Variants in USP37 observed in about 807,000 individuals in gnomAD.
USP37 encodes the protein ubiquitin specific peptidase 37, also known as ubiquitin carboxyl-terminal hydrolase 37.
In USP37, 27 loss-of-function variants were observed where a neutral mutation model predicts 124.0. The ratio of observed to expected loss-of-function variants is 0.22; its 90% CI spans 0.16 to 0.30. USP37 has a LOEUF of 0.30. USP37 is among the 10% of genes least tolerant of loss of function. The pLI, the probability that USP37 is intolerant of heterozygous loss-of-function variation, is 1.00. For synonymous variants in USP37, 365 were observed against 388.0 expected (o/e 0.94, Z 0.70); for missense variants, 889 against 1,140.4 (o/e 0.78, Z 3.17).
chr2:218,516,915 A>T (rs566467569), intron 10 of USP37, among the ~76,000 whole-genome samples: 1 of 152,310 alleles, frequency 6.6e-6, no homozygotes, highest in South Asian at 2.1e-4. Context: ...AACATCTCTG[A>T]TTCTAACTGA....
rs372800934 is a variant in USP37, at chr2:218,538,746, A to AT, written c.681-4041dup. ...TTTGGTAGCATATTGATTATGTCAG[A>AT]TTTTTTCCACACTAAAAAAGACAGC... On this transcript the variant is annotated intron_variant, in intron 8 of 25. Coordinates refer to ENST00000258399, the MANE Select transcript of USP37 (RefSeq NM_020935.3). 1.6e-3 allele frequency among the ~76,000 whole-genome samples: 245 copies of AT among 152,246 alleles called. 2 individuals carry two copies. Among genetic ancestry groups the AT allele is most frequent in the African/African-American group, 5.6e-3 (232 of 41,546 alleles).
At chr2:218,504,552 G>C (rs73074881) in intron 11 of USP37, among the ~76,000 whole-genome samples, 7 of 151,784 alleles carry the variant, frequency 4.6e-5, no homozygotes, top group Admixed American at 1.3e-4. Context: ...CAGTCTCCCC[G>C]GTAGCTGGGA....
At chr2:218,511,036 G>C (rs1689955354) in intron 10 of USP37, among the ~76,000 whole-genome samples, 1 of 152,052 alleles carries the variant, frequency 6.6e-6, no homozygotes, top group African/African-American at 2.4e-5. Context: ...CCAATAAGGA[G>C]ACACTTGATC....
Position 218,549,836 on chromosome 2 carries a change from G to A in USP37, c.402C>T (p.Ser134=). ...GATTGTCTGAGTAAGAAAGCTGCCT[G>A]CTGGTTTCCTTCTGTGAGGTCCTGC... The part of the protein sequence containing the change: ...LGSRTSQKET[S]RQLSYSDNQA... Residue 134 remains serine, a synonymous_variant, in exon 6 of 26, where the codon AGC becomes AGT. Coordinates refer to ENST00000258399, the MANE Select transcript of USP37 (RefSeq NM_020935.3). 1 of 1,613,002 alleles carries A rather than the reference G, an allele frequency of 6.2e-7. No homozygotes were observed. Among genetic ancestry groups the A allele is most frequent in the African/African-American group, 1.3e-5 (1 of 74,996 alleles).
intron 14 of USP37, among the ~76,000 whole-genome samples, chr2:218,490,894 G>C: frequency 6.6e-6 from 1 of 152,182 alleles, no homozygotes; most frequent in East Asian, 1.9e-4. Context: ...TTGTTTTTGA[G>C]ACAGGCTCTT....
rs1028639122 is a variant in USP37, at chr2:218,452,006, G to A, written c.*2924C>T. On this transcript the variant is annotated 3_prime_UTR_variant, in exon 26 of 26. Coordinates refer to ENST00000258399, the MANE Select transcript of USP37 (RefSeq NM_020935.3). Reference sequence around the variant, plus strand: ...CTACGAAACAGTCTATCTTCTCATAGGCTTAAATTATAGTCATGGCTATTA... The same window carrying A: ...CTACGAAACAGTCTATCTTCTCATAAGCTTAAATTATAGTCATGGCTATTA... 1 of 152,556 alleles carries A rather than the reference G, an allele frequency of 6.6e-6. No homozygotes were observed. Among genetic ancestry groups the A allele is most frequent in the Non-Finnish European group, 1.5e-5 (1 of 68,048 alleles). 9.5% of individuals were successfully genotyped at this position (152,556 alleles called of 1,614,324 possible). A position where few individuals can be genotyped will look rare whatever the true frequency, so the allele number is the denominator to read the frequency against.
At chr2:218,503,158 G>T (rs1467191256) in intron 11 of USP37, among the ~76,000 whole-genome samples, 1 of 152,102 alleles carries the variant, frequency 6.6e-6, no homozygotes, top group Non-Finnish European at 1.5e-5. Context: ...TGTAAGAAAT[G>T]TTAAAGCGAC....
At chr2:218,470,678 A>T (rs1690633897) in intron 20 of USP37, among the ~76,000 whole-genome samples, 1 of 152,210 alleles carries the variant, frequency 6.6e-6, no homozygotes, top group African/African-American at 2.4e-5. Context: ...TTTTAGGTCC[A>T]CTAACTTGCT....
chr2:218,464,617 G>A (rs1352285139), intron 21 of USP37, among the ~76,000 whole-genome samples: 3 of 152,188 alleles, frequency 2.0e-5, no homozygotes, highest in Non-Finnish European at 4.4e-5. Flanking sequence ...ATTCTAGGGA[G>A]TCTTGGTAAA....
intron 23 of USP37, among the ~76,000 whole-genome samples, chr2:218,458,163 T>A: frequency 7.6e-6 from 1 of 130,930 alleles, no homozygotes; most frequent in African/African-American, 2.9e-5. Context: ...TTCTGGAGAA[T>A]ATAAAAGGAG....
intron 19 of USP37, among the ~76,000 whole-genome samples, chr2:218,476,470 G>A (rs893053943): frequency 1.3e-5 from 2 of 152,116 alleles, no homozygotes; most frequent in African/African-American, 4.8e-5. Context: ...AGCTACTTGG[G>A]GAGCTGAGGT....
intron 1 of USP37, among the ~76,000 whole-genome samples, chr2:218,564,652 G>T (rs183963260): frequency 4.7e-4 from 71 of 152,206 alleles, no homozygotes; most frequent in Non-Finnish European, 6.9e-4. Context: ...AGGTGGGAGT[G>T]GGGGGTAGAG....
chr2:218,509,312 A>G (rs1487930503), intron 11 of USP37, among the ~76,000 whole-genome samples: 4 of 152,246 alleles, frequency 2.6e-5, no homozygotes, highest in Non-Finnish European at 5.9e-5. Flanking sequence ...CAAGTTAATT[A>G]ACTTTGCTAA....
chr2:218,529,061 T>C (rs1691150216), intron 10 of USP37, among the ~76,000 whole-genome samples: 1 of 152,158 alleles, frequency 6.6e-6, no homozygotes, highest in Non-Finnish European at 1.5e-5. Context: ...GAATATATAT[T>C]GGTCTACAGT....
chr2:218,461,955 G>A (rs1257282545), intron 22 of USP37, among the ~76,000 whole-genome samples: 5 of 152,178 alleles, frequency 3.3e-5, no homozygotes, highest in African/African-American at 7.2e-5. Flanking sequence ...TCAAGAGTTC[G>A]AGACCTGCCT....
chr2:218,511,144 G>A (rs1394000601), intron 10 of USP37, among the ~76,000 whole-genome samples: 1 of 151,834 alleles, frequency 6.6e-6, no homozygotes, highest in African/African-American at 2.4e-5. Flanking sequence ...TATAGAGTAG[G>A]TCTTTTTTTT....
chr2:218,459,944 G>A, intron 22 of USP37, 39 bp from the exon 23 acceptor site: 2 of 1,520,412 alleles, frequency 1.3e-6, no homozygotes, highest in Non-Finnish European at 1.8e-6. Flanking sequence ...AAAGTTCTTG[G>A]AATAGAATGG....
chr2:218,480,297 G>A (rs1353732239), intron 17 of USP37, among the ~76,000 whole-genome samples: 2 of 151,660 alleles, frequency 1.3e-5, no homozygotes, highest in Non-Finnish European at 2.9e-5. Flanking sequence ...CTACGCGGGA[G>A]GCTGACGCAG....
intron 25 of USP37, among the ~76,000 whole-genome samples, 166 bp from the exon 26 acceptor site, chr2:218,455,183 T>C (rs1165663926): frequency 1.3e-5 from 2 of 152,204 alleles, no homozygotes; most frequent in African/African-American, 2.4e-5. Flanking sequence ...TCTTAACCCT[T>C]TGAATGCTGA....
Sources: allele counts gnomAD v4.1 joint callset (sites outside exome capture counted in the v4.1 genomes callset), GRCh38; gene constraint gnomAD v4.1.1; transcripts MANE v1.5; gene names NCBI Gene and HGNC (gene_info 2026-07-23, HGNC 2026-07-21).